DLG2: variants seen among roughly 807,000 people sequenced by gnomAD.
DLG2 encodes disks large homolog 2.
A neutral mutation model predicts 132.5 loss-of-function variants in DLG2; 45 were observed. The observed-to-expected ratio is 0.34, with a 90% CI of 0.27 to 0.44. The LOEUF is 0.44. Ranked by LOEUF, DLG2 falls within the 20% of genes least tolerant of loss-of-function variation. The pLI is 1.00. For synonymous variants in DLG2, 424 were observed against 419.6 expected (o/e 1.01, Z -0.13); for missense variants, 1,045 against 1,196.9 (o/e 0.87, Z 1.87).
At chr11:84,625,979 T>G (rs895214178) in intron 6 of DLG2, among the ~76,000 whole-genome samples, 1 of 152,228 alleles carries the variant, frequency 6.6e-6, no homozygotes, top group African/African-American at 2.4e-5. Context: ...ATAGAATGTA[T>G]TTTTCTTTGT....
At chr11:84,874,895 C>A (rs1406003588) in intron 6 of DLG2, among the ~76,000 whole-genome samples, 1 of 151,928 alleles carries the variant, frequency 6.6e-6, no homozygotes, top group African/African-American at 2.4e-5. Context: ...GTGTCAGGCA[C>A]CTGTAATCCC....
chr11:84,223,008 C>G (rs1239063913), intron 8 of DLG2, among the ~76,000 whole-genome samples: 3 of 152,204 alleles, frequency 2.0e-5, no homozygotes, highest in African/African-American at 7.2e-5. Flanking sequence ...GTTGTTAAAC[C>G]TTCCTCCAGT....
chr11:84,515,276 TAC>T (rs142638064), intron 7 of DLG2, among the ~76,000 whole-genome samples: 73,876 of 141,592 alleles, frequency 0.52, 18,957 homozygotes, highest in Middle Eastern at 0.57. Context: ...TGAACTTAAA[TAC>T]ACACACACAC....
At chr11:84,908,284 T>C (rs1305363415) in intron 6 of DLG2, among the ~76,000 whole-genome samples, 1 of 152,190 alleles carries the variant, frequency 6.6e-6, no homozygotes. Flanking sequence ...ATTCAACATA[T>C]AATCAAAGAT....
intron 4 of DLG2, among the ~76,000 whole-genome samples, chr11:85,273,331 G>C (rs1366601043): frequency 1.3e-5 from 2 of 152,022 alleles, no homozygotes; most frequent in African/African-American, 2.4e-5. Context: ...TACAGAATGG[G>C]AAGAAATTTT....
At chr11:85,089,982 G>A (rs963452032) in intron 6 of DLG2, among the ~76,000 whole-genome samples, 6 of 152,074 alleles carry the variant, frequency 3.9e-5, no homozygotes, top group African/African-American at 9.7e-5. Context: ...AATTTGATCT[G>A]ATTTTATTTC....
intron 6 of DLG2, among the ~76,000 whole-genome samples, chr11:84,957,961 C>A (rs542742536): frequency 2.1e-4 from 32 of 152,048 alleles, no homozygotes; most frequent in Non-Finnish European, 3.7e-4. Context: ...GGGTATTAAG[C>A]TTTGAAATGA....
chr11:85,012,439 G>C (rs900680117), intron 6 of DLG2, among the ~76,000 whole-genome samples: 3 of 151,694 alleles, frequency 2.0e-5, no homozygotes, highest in Non-Finnish European at 2.9e-5. Flanking sequence ...CAGGAGAATC[G>C]CTTGAACCTG....
At chr11:84,853,868 C>G (rs2082454758) in intron 6 of DLG2, among the ~76,000 whole-genome samples, 1 of 152,006 alleles carries the variant, frequency 6.6e-6, no homozygotes, top group South Asian at 2.1e-4. Flanking sequence ...GTAAAGCAAG[C>G]TGACTGAATA....
intron 6 of DLG2, among the ~76,000 whole-genome samples, chr11:84,606,397 C>T (rs1593556071): frequency 6.6e-6 from 1 of 152,080 alleles, no homozygotes; most frequent in East Asian, 1.9e-4. Flanking sequence ...CATGGAAATA[C>T]TCCAAAATAT....
intron 8 of DLG2, among the ~76,000 whole-genome samples, chr11:84,245,735 T>C (rs1382780861): frequency 6.6e-6 from 1 of 152,254 alleles, no homozygotes; most frequent in African/African-American, 2.4e-5. Context: ...CAGGTCCCTC[T>C]GACACTTTGT....
At chr11:84,354,648 AG>A (rs2098600222) in intron 7 of DLG2, among the ~76,000 whole-genome samples, 1 of 152,052 alleles carries the variant, frequency 6.6e-6, no homozygotes, top group African/African-American at 2.4e-5. Flanking sequence ...TCGAGACCTT[AG>A]AACCATCTGT....
intron 3 of DLG2, among the ~76,000 whole-genome samples, chr11:85,546,421 C>A (rs1186528100): frequency 6.6e-6 from 1 of 152,036 alleles, no homozygotes; most frequent in African/African-American, 2.4e-5. Context: ...ATTATGTGGC[C>A]AATTTTAGAA....
At chr11:83,724,737 G>T (rs1484760304) in intron 18 of DLG2, 3 of 642,432 alleles carry the variant, frequency 4.7e-6, no homozygotes, top group East Asian at 2.7e-5. Context: ...GGCAGGGAAA[G>T]GCTGTTTTAG....
intron 3 of DLG2, among the ~76,000 whole-genome samples, chr11:85,468,830 T>A (rs191180810): frequency 1.8e-4 from 27 of 152,148 alleles, no homozygotes; most frequent in South Asian, 6.2e-4. Context: ...TAATTTTTTT[T>A]AAATATTTAT....
chr11:85,155,159 T>C (rs2077508127), intron 4 of DLG2, among the ~76,000 whole-genome samples: 1 of 152,208 alleles, frequency 6.6e-6, no homozygotes, highest in African/African-American at 2.4e-5. Flanking sequence ...CTGACCATTA[T>C]AAAACAGATG....
At chr11:85,027,821 G>T (rs1370675748) in intron 6 of DLG2, among the ~76,000 whole-genome samples, 1 of 152,220 alleles carries the variant, frequency 6.6e-6, no homozygotes, top group Non-Finnish European at 1.5e-5. Flanking sequence ...CCCTGGCTTG[G>T]GGAGCCCCTA....
chr11:85,066,815 C>T (rs1238883443), intron 6 of DLG2, among the ~76,000 whole-genome samples: 3 of 151,600 alleles, frequency 2.0e-5, no homozygotes, highest in Admixed American at 1.3e-4. Flanking sequence ...CCATATACAA[C>T]AAACCTACAG....
At chr11:84,486,625 A>G (rs557357276) in intron 7 of DLG2, among the ~76,000 whole-genome samples, 1 of 152,290 alleles carries the variant, frequency 6.6e-6, no homozygotes, top group African/African-American at 2.4e-5. Context: ...TCAGAAACAG[A>G]AAAGAAGGTG....
Sources: gnomAD v4.1 joint callset for allele counts (sites outside exome capture counted in the v4.1 genomes callset) on GRCh38, gnomAD v4.1.1 for gene constraint, MANE v1.5 for transcripts, NCBI Gene and HGNC (gene_info 2026-07-23, HGNC 2026-07-21) for gene names.